The following UBE2QL1 variants were observed in gnomAD, a reference collection of about 807,000 sequenced individuals.
UBE2QL1 encodes the protein ubiquitin-conjugating enzyme E2Q-like protein 1.
UBE2QL1 carries 5 observed loss-of-function variants against 12.6 expected under a neutral mutation model. The observed-to-expected ratio is 0.40, with a 90% CI of 0.21 to 0.83. UBE2QL1 has a LOEUF of 0.83. UBE2QL1 is among the 40% of genes least tolerant of loss of function. The pLI, the probability that UBE2QL1 is intolerant of heterozygous loss-of-function variation, is 0.37. For missense variants in UBE2QL1, 99 were observed against 222.6 expected (o/e 0.44, Z 3.53); for synonymous variants, 96 against 94.5 (o/e 1.02, Z -0.10).
At position 6,481,549 on chromosome 5, in the gene UBE2QL1, G is replaced by A. The variant is rs993253922; in HGVS notation, c.355-9669G>A. ...TGAGCTCCCACCACTATACCCAGCA[G>A]CCTCCTGCCTGGATTTCTGTGCACA... On this transcript the variant is annotated intron_variant, in intron 1 of 1. Transcript: ENST00000399816. The surrounding 1 kb of genome is among the most constrained non-coding windows in gnomAD (Gnocchi z 4.5). 6.6e-6 allele frequency among the ~76,000 whole-genome samples: 1 copy of A among 152,166 alleles called. No homozygotes were observed. The highest frequency in any genetic ancestry group is 2.4e-5 in the African/African-American group (1 of 41,434).
chr5:6,451,427 T>C (rs1408734973), intron 1 of UBE2QL1, among the ~76,000 whole-genome samples: 1 of 152,252 alleles, frequency 6.6e-6, no homozygotes, highest in Non-Finnish European at 1.5e-5. Flanking sequence ...GTATTTAAAA[T>C]TGAGATTCTA....
intron 1 of UBE2QL1, among the ~76,000 whole-genome samples, chr5:6,488,699 C>T (rs1047227096): frequency 1.3e-5 from 2 of 151,644 alleles, no homozygotes; most frequent in African/African-American, 2.4e-5. Context: ...ACCTGGGAGG[C>T]TGAGGCAGGA....
chr5:6,490,995 C>T (rs932177725), intron 1 of UBE2QL1, among the ~76,000 whole-genome samples: 2 of 152,076 alleles, frequency 1.3e-5, no homozygotes, highest in African/African-American at 4.8e-5. Context: ...GCACCCCCCT[C>T]CCCTAAAAGG....
rs1306648339 is a variant in UBE2QL1, at chr5:6,479,088, G to A, written c.355-12130G>A. On this transcript the variant is annotated intron_variant, in intron 1 of 1. Transcript: ENST00000399816. This position sits in a 1 kb window ranked among gnomAD's most constrained non-coding sequence, Gnocchi z 4.2. ...TGCCTCATCCTGAAATCAGGGAGGC[G>A]TGGCAGGGTGGAGGCAGCCGTGGGC... Among the ~76,000 whole-genome samples, 4 of 152,090 alleles carry A rather than the reference G, an allele frequency of 2.6e-5. No individual in the cohort carries two copies. The highest frequency in any genetic ancestry group is 1.9e-4 in the East Asian group (1 of 5,176).
At chr5:6,464,151 G>A (rs1739735221) in intron 1 of UBE2QL1, among the ~76,000 whole-genome samples, 1 of 152,076 alleles carries the variant, frequency 6.6e-6, no homozygotes, top group South Asian at 2.1e-4. Context: ...AGTAGAATTG[G>A]GAAACAGGCC....
intron 1 of UBE2QL1, among the ~76,000 whole-genome samples, chr5:6,474,669 G>C (rs926212941): frequency 6.6e-6 from 1 of 152,204 alleles, no homozygotes; most frequent in Admixed American, 6.5e-5. Flanking sequence ...GCATGCGGGG[G>C]CCTTCAGACT....
chr5:6,471,676 C>G (rs910840191), intron 1 of UBE2QL1, among the ~76,000 whole-genome samples: 1 of 152,188 alleles, frequency 6.6e-6, no homozygotes, highest in Non-Finnish European at 1.5e-5. Flanking sequence ...TCAGGTCCCT[C>G]GCACTCAGGG....
At position 6,478,061 on chromosome 5, in the gene UBE2QL1, G is replaced by A. The variant is rs892535139; in HGVS notation, c.355-13157G>A. Among the ~76,000 whole-genome samples, 6 of 152,170 alleles carry A rather than the reference G, an allele frequency of 3.9e-5. No homozygotes were observed. The highest frequency in any genetic ancestry group is 8.8e-5 in the Non-Finnish European group (6 of 68,028). ...AAATCAGAAAAGTAACAAAGTAGGTGAAGTAAATAATCCATGTAGAGTCTT... is the reference window on the plus strand; with the variant it reads ...AAATCAGAAAAGTAACAAAGTAGGTAAAGTAAATAATCCATGTAGAGTCTT... On this transcript the variant is annotated intron_variant, in intron 1 of 1. Transcript: ENST00000399816. The surrounding 1 kb of genome is among the most constrained non-coding windows in gnomAD (Gnocchi z 4.5).
At chr5:6,473,780 A>T (rs1734154212) in intron 1 of UBE2QL1, among the ~76,000 whole-genome samples, 1 of 152,240 alleles carries the variant, frequency 6.6e-6, no homozygotes, top group South Asian at 2.1e-4. Flanking sequence ...AAGAAGCTTG[A>T]TTTTTTGTTA....
intron 1 of UBE2QL1, among the ~76,000 whole-genome samples, chr5:6,483,358 G>A (rs1460007115): frequency 2.3e-3 from 349 of 152,224 alleles, no homozygotes; most frequent in Non-Finnish European, 5.7e-4. Context: ...AGAATCACTT[G>A]GACCTGGGAG....
At chr5:6,473,039 G>A (rs1378593477) in intron 1 of UBE2QL1, among the ~76,000 whole-genome samples, 1 of 152,142 alleles carries the variant, frequency 6.6e-6, no homozygotes, top group Non-Finnish European at 1.5e-5. Flanking sequence ...TGCTGCCATT[G>A]TTATCCCATG....
intron 1 of UBE2QL1, among the ~76,000 whole-genome samples, chr5:6,472,605 C>T (rs1427386451): frequency 6.6e-6 from 1 of 152,144 alleles, no homozygotes; most frequent in Non-Finnish European, 1.5e-5. Flanking sequence ...ATCTTCTTTC[C>T]CTTCCCTGCA....
At chr5:6,450,096 C>T (rs950460712) in intron 1 of UBE2QL1, among the ~76,000 whole-genome samples, 3 of 150,180 alleles carry the variant, frequency 2.0e-5, no homozygotes, top group Non-Finnish European at 3.0e-5. Flanking sequence ...ACCCCCCCCC[C>T]CCACGGCAAT....
intron 1 of UBE2QL1, among the ~76,000 whole-genome samples, chr5:6,485,378 T>C (rs116078417): frequency 0.012 from 1,847 of 152,368 alleles, 24 homozygotes; most frequent in African/African-American, 0.039. Flanking sequence ...TTGATTTTTT[T>C]CTAGGATTTG....
chr5:6,482,572 G>C (rs1436501213), intron 1 of UBE2QL1, among the ~76,000 whole-genome samples: 1 of 150,556 alleles, frequency 6.6e-6, no homozygotes, highest in Admixed American at 6.6e-5. Context: ...ACCCCCTCCT[G>C]CACTCCCACA....
chr5:6,463,825 C>T (rs2126339377), intron 1 of UBE2QL1, among the ~76,000 whole-genome samples: 1 of 151,778 alleles, frequency 6.6e-6, no homozygotes, highest in Non-Finnish European at 1.5e-5. Flanking sequence ...GACGGGGTTT[C>T]ACCATGTTAG....
intron 1 of UBE2QL1, among the ~76,000 whole-genome samples, chr5:6,461,316 C>T (rs169251): frequency 0.21 from 31,597 of 151,964 alleles, 3,621 homozygotes; most frequent in East Asian, 0.48. Flanking sequence ...AGAGACTGAC[C>T]AGCTATCTCT....
At chr5:6,491,176 C>G in intron 1 of UBE2QL1, 42 bp from the exon 2 acceptor site, 1 of 1,491,018 alleles carries the variant, frequency 6.7e-7, no homozygotes, top group Non-Finnish European at 8.9e-7. Flanking sequence ...AACAGAATTC[C>G]CAGTGACGTT....
At chr5:6,454,088 G>A (rs1255518188) in intron 1 of UBE2QL1, among the ~76,000 whole-genome samples, 1 of 151,994 alleles carries the variant, frequency 6.6e-6, no homozygotes, top group African/African-American at 2.4e-5. Flanking sequence ...TCACTATGTT[G>A]CCCAGCTGGT....
Sources: allele counts gnomAD v4.1 joint callset (sites outside exome capture counted in the v4.1 genomes callset), GRCh38; gene constraint gnomAD v4.1.1; non-coding constraint Gnocchi (gnomAD v3.1); transcripts MANE v1.5; gene names NCBI Gene and HGNC (gene_info 2026-07-23, HGNC 2026-07-21).